Variants in ANKRD33B observed in about 807,000 individuals in gnomAD.
ANKRD33B encodes the protein ankyrin repeat domain 33B, also known as ankyrin repeat domain-containing protein 33B.
In ANKRD33B, 6 loss-of-function variants were observed where a neutral mutation model predicts 21.5. The observed-to-expected ratio is 0.28, with a 90% confidence interval of 0.15 to 0.55. The LOEUF is 0.55. Ranked by LOEUF, ANKRD33B falls within the 20% of genes least tolerant of loss-of-function variation. The probability of loss-of-function intolerance (pLI) is 0.94; values close to 1 mark genes in which losing one functional copy is unlikely to be tolerated. For missense variants in ANKRD33B, 698 were observed against 747.2 expected, an observed-to-expected ratio of 0.93 and a Z score of 0.77; for synonymous variants, 347 against 342.4, an observed-to-expected ratio of 1.01 and a Z score of -0.15.
At chr5:10,618,130 A>G (rs1370134360) in intron 1 of ANKRD33B, among the ~76,000 whole-genome samples, 1 of 152,170 alleles carries the variant, frequency 6.6e-6, no homozygotes, top group Non-Finnish European at 1.5e-5. Context: ...CTAGGCCCTC[A>G]CTCGAGTCAG....
intron 1 of ANKRD33B, among the ~76,000 whole-genome samples, chr5:10,572,060 T>C (rs1708895306): frequency 6.6e-6 from 1 of 152,120 alleles, no homozygotes; most frequent in Non-Finnish European, 1.5e-5. Context: ...GGCTAATTTT[T>C]GTATTTTTAG....
intron 1 of ANKRD33B, among the ~76,000 whole-genome samples, chr5:10,608,120 G>A (rs926384652): frequency 6.6e-6 from 1 of 151,718 alleles, no homozygotes; most frequent in Non-Finnish European, 1.5e-5. Context: ...AGGCTGAGGC[G>A]GGTGGATCAC....
chr5:10,607,038 T>A (rs1560971784), intron 1 of ANKRD33B, among the ~76,000 whole-genome samples: 2 of 152,066 alleles, frequency 1.3e-5, no homozygotes, highest in Non-Finnish European at 1.5e-5. Context: ...GCCCATTTTA[T>A]AAGTACATTT....
intron 1 of ANKRD33B, among the ~76,000 whole-genome samples, chr5:10,568,638 G>A (rs1416185121): frequency 6.6e-6 from 1 of 152,234 alleles, no homozygotes; most frequent in Non-Finnish European, 1.5e-5. Context: ...GGGTTCAAGT[G>A]AATCTCCTGC....
intron 2 of ANKRD33B, among the ~76,000 whole-genome samples, chr5:10,620,761 T>C (rs1318620581): frequency 6.6e-6 from 1 of 152,238 alleles, no homozygotes; most frequent in African/African-American, 2.4e-5. Context: ...TCAGGACACA[T>C]ACTGCCAGTG....
chr5:10,627,014 C>A (rs947445990), intron 2 of ANKRD33B, among the ~76,000 whole-genome samples: 1 of 152,200 alleles, frequency 6.6e-6, no homozygotes, highest in African/African-American at 2.4e-5. Flanking sequence ...TTTATGAGTA[C>A]GAATTCGGAT....
Position 10,614,025 on chromosome 5 carries a change from G to GTGTGTGTGTGTGTGTGTA in ANKRD33B, c.367-4307_367-4306insGTGTGTGTGTGTGTGTAT, listed in dbSNP as rs1295818243. Reference sequence around the variant, plus strand: ...TGTGTGTGTGTGTGTGTGTGTGTGTGTATAAACATATATGTAGAGAAGGAG... The same window carrying GTGTGTGTGTGTGTGTGTA: ...TGTGTGTGTGTGTGTGTGTGTGTGTGTGTGTGTGTGTGTGTGTATATAAACATATATGTAGAGAAGGAG... On this transcript the variant is annotated intron_variant, in intron 1 of 3. Coordinates refer to ENST00000296657, the MANE Select transcript of ANKRD33B (RefSeq NM_001164440.2). Among the ~76,000 whole-genome samples, 861 of 150,506 alleles carry GTGTGTGTGTGTGTGTGTA rather than the reference G, an allele frequency of 5.7e-3. 13 individuals are homozygous for GTGTGTGTGTGTGTGTGTA. Among genetic ancestry groups the GTGTGTGTGTGTGTGTGTA allele is most frequent in the African/African-American group, 0.02 (823 of 40,640 alleles).
Position 10,576,146 on chromosome 5 carries a change from AT to A in ANKRD33B, c.366+11316del, listed in dbSNP as rs2126548481. 6.6e-6 allele frequency among the ~76,000 whole-genome samples: 1 copy of A among 152,296 alleles called. No individual in the cohort carries two copies. Among genetic ancestry groups the A allele is most frequent in the Admixed American group, 6.5e-5 (1 of 15,302 alleles). ...TACAAGTTCTTGTGGGGCTGTAACT[AT>A]TTCAAAATAAAAAGTTGAATGAGCG... On this transcript the variant is annotated intron_variant, in intron 1 of 3. Coordinates refer to ENST00000296657, the MANE Select transcript of ANKRD33B (RefSeq NM_001164440.2). This position sits in a 1 kb window ranked among gnomAD's most constrained non-coding sequence, Gnocchi z 4.1.
At chr5:10,632,511 C>G (rs879720612) in intron 2 of ANKRD33B, among the ~76,000 whole-genome samples, 27 of 152,274 alleles carry the variant, frequency 1.8e-4, no homozygotes, top group Admixed American at 3.9e-4. Context: ...CAGCTTTCCT[C>G]TTTTGCATAC....
At chr5:10,628,133 A>G (rs1481189403) in intron 2 of ANKRD33B, 3 of 152,292 alleles carry the variant, frequency 2.0e-5, no homozygotes, top group Non-Finnish European at 4.4e-5. Context: ...AGTCAATCTT[A>G]GACAACCCAA....
chr5:10,569,739 C>G (rs1204812413), intron 1 of ANKRD33B, among the ~76,000 whole-genome samples: 4 of 152,180 alleles, frequency 2.6e-5, no homozygotes, highest in African/African-American at 9.7e-5. Flanking sequence ...GGGCTGGAGT[C>G]AGAGGAGGTC....
intron 1 of ANKRD33B, among the ~76,000 whole-genome samples, chr5:10,591,533 A>C (rs1735692497): frequency 9.3e-6 from 1 of 107,632 alleles, no homozygotes; most frequent in Non-Finnish European, 2.2e-5. Flanking sequence ...GAGATGTGAG[A>C]TAAAGATCCA....
chr5:10,608,908 C>T (rs1736107914), intron 1 of ANKRD33B, among the ~76,000 whole-genome samples: 1 of 152,244 alleles, frequency 6.6e-6, no homozygotes, highest in Non-Finnish European at 1.5e-5. Flanking sequence ...CACCTACTCT[C>T]TGTGGTGCCT....
chr5:10,569,971 G>A (rs1735141898), intron 1 of ANKRD33B, among the ~76,000 whole-genome samples: 1 of 152,224 alleles, frequency 6.6e-6, no homozygotes, highest in Admixed American at 6.5e-5. Context: ...CCGTCTCCCA[G>A]GTTCAAGCGA....
At chr5:10,647,250 G>A (rs1468993839) in intron 3 of ANKRD33B, among the ~76,000 whole-genome samples, 1 of 151,550 alleles carries the variant, frequency 6.6e-6, no homozygotes, top group Admixed American at 6.8e-5. Context: ...GATTACAGGT[G>A]CCTGCCACCA....
chr5:10,621,073 T>C (rs567371191), intron 2 of ANKRD33B, among the ~76,000 whole-genome samples: 88 of 152,350 alleles, frequency 5.8e-4, no homozygotes, highest in African/African-American at 2.0e-3. Context: ...CTTTGTTCTT[T>C]TCAGTGCTGA....
chr5:10,621,374 T>A (rs924354179), intron 2 of ANKRD33B, among the ~76,000 whole-genome samples: 1 of 152,108 alleles, frequency 6.6e-6, no homozygotes, highest in Admixed American at 6.6e-5. Context: ...GAAAAAAAAA[T>A]ATTTAAAAAA....
chr5:10,603,964 G>A (rs1735985670), intron 1 of ANKRD33B, among the ~76,000 whole-genome samples: 1 of 148,352 alleles, frequency 6.7e-6, no homozygotes, highest in Non-Finnish European at 1.5e-5. Context: ...GTGCAATCTC[G>A]GCTCACTATA....
chr5:10,647,263 C>T (rs1295764291), intron 3 of ANKRD33B, among the ~76,000 whole-genome samples: 1 of 152,072 alleles, frequency 6.6e-6, no homozygotes, highest in East Asian at 1.9e-4. Flanking sequence ...TGCCACCACG[C>T]CCAGCTAATT....
Sources: gnomAD v4.1 joint callset for allele counts (sites outside exome capture counted in the v4.1 genomes callset) on GRCh38, gnomAD v4.1.1 for gene constraint, Gnocchi (gnomAD v3.1) non-coding constraint, MANE v1.5 for transcripts, NCBI Gene and HGNC (gene_info 2026-07-23, HGNC 2026-07-21) for gene names.